The following PAAF1 variants were observed in gnomAD, a reference collection of about 807,000 sequenced individuals.
PAAF1 encodes the protein proteasomal ATPase associated factor 1.
In PAAF1, 46 loss-of-function variants were observed where a neutral mutation model predicts 52.8. The ratio of observed to expected loss-of-function variants is 0.87; its 90% CI spans 0.69 to 1.11. PAAF1 has a LOEUF of 1.11. PAAF1 is among the 50% of genes most tolerant of loss of function. PAAF1 has a pLI of 0.00. For synonymous variants in PAAF1, 178 were observed against 172.8 expected (o/e 1.03, Z -0.24); for missense variants, 424 against 477.4 (o/e 0.89, Z 1.04).
intron 9 of PAAF1, 40 bp downstream of exon 9, chr11:73,916,700 G>C (rs769957647): frequency 4.8e-6 from 7 of 1,443,346 alleles, no homozygotes; most frequent in Non-Finnish European, 6.8e-6. Context: ...GTCTTCTGCA[G>C]AGTGGAAATT....
intron 10 of PAAF1, chr11:73,922,010 C>A: frequency 1.2e-6 from 1 of 816,216 alleles, no homozygotes; most frequent in South Asian, 1.3e-5. Flanking sequence ...CAGCTTCATT[C>A]TTAACTTCAT....
At chr11:73,900,842 C>T (rs1949584728) in intron 6 of PAAF1, among the ~76,000 whole-genome samples, 2 of 151,414 alleles carry the variant, frequency 1.3e-5, no homozygotes, top group East Asian at 1.9e-4. Context: ...ATTAGCCGGG[C>T]GTAGTGGCGG....
chr11:73,913,776 A>C (rs1949995069), intron 7 of PAAF1, among the ~76,000 whole-genome samples: 1 of 152,172 alleles, frequency 6.6e-6, no homozygotes, highest in African/African-American at 2.4e-5. Flanking sequence ...TAAATGAATA[A>C]ATTTCATTTT....
intron 6 of PAAF1, among the ~76,000 whole-genome samples, chr11:73,902,700 A>AT (rs1332740124): frequency 2.0e-5 from 3 of 152,026 alleles, no homozygotes; most frequent in Admixed American, 1.3e-4. Flanking sequence ...TTATTTATTT[A>AT]TTATTATTTT....
chr11:73,923,386 G>A (rs1950277351), intron 10 of PAAF1, among the ~76,000 whole-genome samples: 1 of 152,058 alleles, frequency 6.6e-6, no homozygotes, highest in Non-Finnish European at 1.5e-5. Context: ...TGCACATGCT[G>A]TCAACCATGT....
In PAAF1 at chr11:73,898,390, A is replaced by T. The variant is rs539784287; in HGVS notation, c.283-756A>T. Among the ~76,000 whole-genome samples, 26 of 152,234 alleles carry T rather than the reference A, an allele frequency of 1.7e-4. No individual in the cohort carries two copies. In the South Asian group the frequency reaches 4.8e-3, roughly 28 times the overall value. ...TTTTATTTTTTATATTTACTTTAAAATTTTTTGTAGAGATGGAGTCTCATT... is the reference window on the plus strand; with the variant it reads ...TTTTATTTTTTATATTTACTTTAAATTTTTTTGTAGAGATGGAGTCTCATT... On this transcript the variant is annotated intron_variant, in intron 4 of 11. Coordinates refer to ENST00000310571, the MANE Select transcript of PAAF1 (RefSeq NM_025155.3).
intron 2 of PAAF1, among the ~76,000 whole-genome samples, chr11:73,881,639 A>ATGT (rs34941273): frequency 0.099 from 15,069 of 151,960 alleles, 994 homozygotes; most frequent in African/African-American, 0.19. Flanking sequence ...AACAAACTTA[A>ATGT]TGTTGTTGTT....
rs991461060 is a variant in PAAF1 at position 73,908,329 on chromosome 11, A to G, written c.533-1070A>G. Among the ~76,000 whole-genome samples, 289 of 144,966 alleles carry G rather than the reference A, an allele frequency of 2.0e-3. 2 individuals carry two copies. The highest frequency in any genetic ancestry group is 6.2e-3 in the African/African-American group (238 of 38,594). ...TATGTATATATATGTGTATATATGT[A>G]TATATATGTGTATATATGTGTATAT... is the stretch of plus-strand genomic sequence containing the variant. On this transcript the variant is annotated intron_variant, in intron 6 of 11. Coordinates refer to ENST00000310571, the MANE Select transcript of PAAF1 (RefSeq NM_025155.3).
chr11:73,898,002 G>C (rs986463514), intron 4 of PAAF1, among the ~76,000 whole-genome samples: 2 of 152,164 alleles, frequency 1.3e-5, no homozygotes, highest in Non-Finnish European at 2.9e-5. Context: ...CCAACACAGC[G>C]AATCCCCGTC....
rs948234618 is a variant in PAAF1, at chr11:73,902,947, C to T, written c.532+2527C>T. 1.3e-4 allele frequency among the ~76,000 whole-genome samples: 20 copies of T among 152,198 alleles called. 1 individual carries two copies. The highest frequency in any genetic ancestry group is 3.1e-4 in the African/African-American group (13 of 41,452). ...AACTCCTGACCTTGTGATCGCCTGC[C>T]GTGGCCTCCCAAAGTGCCGGGATTA... On this transcript the variant is annotated intron_variant, in intron 6 of 11. Coordinates refer to ENST00000310571, the MANE Select transcript of PAAF1 (RefSeq NM_025155.3).
At position 73,909,565 on chromosome 11, in the gene PAAF1, A is replaced by G; in HGVS notation, c.699A>G (p.Ile233Met). The change falls in exon 7 of 12, where the codon ATA becomes ATG. Residue 233 changes from isoleucine to methionine, a missense_variant. Transcript: ENST00000310571. ...GVAVGAADNS[I>M]NLGSPEQMPS... ...CGGTGGGTGCTGCTGACAACTCCAT[A>G]AACCTTGGCTCCCCTGAGCAGATGC... 6.2e-7 allele frequency: 1 copy of G among 1,614,152 alleles called. No homozygotes were observed. The highest frequency in any genetic ancestry group is 8.5e-7 in the Non-Finnish European group (1 of 1,180,020).
chr11:73,887,795 G>T (rs952275875), intron 3 of PAAF1, among the ~76,000 whole-genome samples: 1 of 152,118 alleles, frequency 6.6e-6, no homozygotes, highest in Non-Finnish European at 1.5e-5. Context: ...TGTCGCCCAG[G>T]CTGGAGTGCA....
intron 2 of PAAF1, among the ~76,000 whole-genome samples, chr11:73,882,726 C>T (rs1055857573): frequency 6.6e-6 from 1 of 152,138 alleles, no homozygotes; most frequent in African/African-American, 2.4e-5. Context: ...CCTCAGCCTC[C>T]GAAGTAGCTG....
At chr11:73,921,848 C>T (rs947633868) in intron 10 of PAAF1, 2 of 1,116,606 alleles carry the variant, frequency 1.8e-6, no homozygotes, top group Non-Finnish European at 2.7e-6. Context: ...GGATACATTG[C>T]ATTAAGTGGA....
intron 5 of PAAF1, among the ~76,000 whole-genome samples, 192 bp from the exon 6 acceptor site, chr11:73,900,078 G>T (rs930319779): frequency 6.6e-6 from 1 of 151,416 alleles, no homozygotes; most frequent in African/African-American, 2.4e-5. Context: ...AGCTGAATTC[G>T]AGGAAACACC....
intron 8 of PAAF1, 98 bp downstream of exon 8, chr11:73,914,602 T>C: frequency 3.0e-6 from 3 of 987,262 alleles, no homozygotes; most frequent in Non-Finnish European, 4.7e-6. Context: ...GCTCCCTGTG[T>C]TCACTTTTGA....
In PAAF1 at chr11:73,877,225, C is replaced by T. The variant is rs1403218490; in HGVS notation, c.47+157C>T. On this transcript the variant is annotated intron_variant, in intron 1 of 11. Coordinates refer to ENST00000310571, the MANE Select transcript of PAAF1 (RefSeq NM_025155.3). ...GGGTCCGGAAAAAGAAGTATCAAAC[C>T]CGTATGGTCATTCTCTGAAAAGCTA... 5.7e-6 allele frequency: 4 copies of T among 700,580 alleles called. No individual in the cohort carries two copies. The East Asian group carries it at 1.0e-4, about 18-fold the overall frequency. The allele number at this position is 700,580 out of a possible 1,614,324, so 43.4% of individuals were successfully genotyped here.
intron 7 of PAAF1, among the ~76,000 whole-genome samples, chr11:73,913,001 C>G (rs188502281): frequency 1.3e-5 from 2 of 152,170 alleles, no homozygotes; most frequent in Admixed American, 1.3e-4. Context: ...CTCAGCCTCC[C>G]GAGTAACTGG....
At chr11:73,903,223 C>G (rs139905714) in intron 6 of PAAF1, among the ~76,000 whole-genome samples, 1 of 152,300 alleles carries the variant, frequency 6.6e-6, no homozygotes, top group Non-Finnish European at 1.5e-5. Context: ...CACAAAGGCT[C>G]CTTTCCAGTT....
Sources: allele counts gnomAD v4.1 joint callset (sites outside exome capture counted in the v4.1 genomes callset), GRCh38; gene constraint gnomAD v4.1.1; transcripts MANE v1.5; gene names NCBI Gene and HGNC (gene_info 2026-07-23, HGNC 2026-07-21).